KRT84: variants seen among roughly 807,000 people sequenced by gnomAD.
KRT84 encodes the protein keratin 84.
Under a neutral mutation model 49.0 loss-of-function variants are expected in KRT84, and 38 were observed. That is an observed-to-expected ratio of 0.78 (90% CI 0.60 to 1.02). The LOEUF (loss-of-function observed/expected upper bound fraction) is 1.02. Ranked by LOEUF, KRT84 falls within the 50% of genes least tolerant of loss-of-function variation. The pLI, the probability that KRT84 is intolerant of heterozygous loss-of-function variation, is 0.00. For synonymous variants in KRT84, 334 were observed against 312.8 expected, an observed-to-expected ratio of 1.07 and a Z score of -0.72; for missense variants, 860 against 788.6, an observed-to-expected ratio of 1.09 and a Z score of -1.08.
In KRT84 at chr12:52,378,030, G is replaced by T; in HGVS notation, c.*4C>A. On this transcript the variant is annotated 3_prime_UTR_variant, in exon 9 of 9. Coordinates refer to ENST00000257951, the MANE Select transcript of KRT84 (RefSeq NM_033045.4). Reference sequence around the variant, plus strand: ...CTGGGCAGCAGCTGTCTGGGGCTGGGCTCTCAGTACTTGGTCCGGCAGGAG... The same window carrying T: ...CTGGGCAGCAGCTGTCTGGGGCTGGTCTCTCAGTACTTGGTCCGGCAGGAG... 2.1e-6 allele frequency: 3 copies of T among 1,455,772 alleles called. No individual in the cohort carries two copies. The highest frequency in any genetic ancestry group is 2.7e-6 in the Non-Finnish European group (3 of 1,104,676). 90.2% of individuals were successfully genotyped at this position (1,455,772 alleles called of 1,614,324 possible).
chr12:52,385,285 T>G lies in KRT84; in HGVS notation c.301A>C (p.Ser101Arg), dbSNP rs896742984. The G allele has an allele frequency of 6.2e-7, 1 of 1,613,912 alleles. No homozygotes were observed. Among genetic ancestry groups the G allele is most frequent in the African/African-American group, 1.3e-5 (1 of 74,878 alleles). Residue 101 changes from serine to arginine, a missense_variant, in exon 1 of 9, where the codon AGC (serine) becomes CGC (arginine). By Grantham distance (110) the Ser-to-Arg change is moderately radical (BLOSUM62 -1). Coordinates refer to ENST00000257951, the MANE Select transcript of KRT84 (RefSeq NM_033045.4). Reference protein sequence around the residue: ...RGVGLGPRADSCVGLGFGAGS... With the variant: ...RGVGLGPRADRCVGLGFGAGS... ...GCTCCAAAGCCCAGACCAACACAGC[T>G]GTCAGCCCTAGGCCCCAGACCAACA...
intron 1 of KRT84, among the ~76,000 whole-genome samples, chr12:52,384,187 G>A (rs1408732795): frequency 6.6e-6 from 1 of 152,212 alleles, no homozygotes; most frequent in African/African-American, 2.4e-5. Context: ...TACATTTGGG[G>A]TGGGATATGG....
Position 52,383,039 on chromosome 12 carries a change from G to T in KRT84, c.782C>A (p.Ala261Asp). ...KKYEEEVVCR[A>D]NAENEFVALK... ...AGCCACAAACTCATTCTCAGCATTG[G>T]CCCGACATACCACTTCCTCTTCATA... The change falls in exon 3 of 9, where the codon GCC becomes GAC. Residue 261 changes from alanine (A) to aspartate (D), a missense_variant. Transcript: ENST00000257951. 6.2e-7 allele frequency: 1 copy of T among 1,613,818 alleles called. No individual in the cohort carries two copies. The highest frequency in any genetic ancestry group is 1.1e-5 in the South Asian group (1 of 91,066).
chr12:52,383,860 AG>A (rs1221804942), intron 1 of KRT84, 62 bp from the exon 2 acceptor site: 13 of 1,385,244 alleles, frequency 9.4e-6, no homozygotes, highest in South Asian at 8.7e-5. Context: ...GCCTTGACCA[AG>A]CTCTTGAGAT....
intron 8 of KRT84, among the ~76,000 whole-genome samples, chr12:52,379,552 TTCCTTCTAAGTCCCAG>T (rs1046287871): frequency 1.1e-4 from 16 of 152,226 alleles, no homozygotes; most frequent in East Asian, 3.8e-4. Flanking sequence ...AGGCGTCCCA[TTCCTTCTAAGTCCCAG>T]TCCTTCTAAG....
Position 52,378,123 on chromosome 12 carries a change from TG to T in KRT84, c.1713del (p.Thr572ProfsTer73). The T allele has an allele frequency of 6.5e-7, 1 of 1,540,662 alleles. No individual in the cohort carries two copies. The highest frequency in any genetic ancestry group is 1.3e-5 in the South Asian group (1 of 79,312). On this transcript the variant is annotated frameshift_variant, in exon 9 of 9. Coordinates refer to ENST00000257951, the MANE Select transcript of KRT84 (RefSeq NM_033045.4). LOFTEE classifies it high-confidence loss of function. ...CTGCAGCTGCTGAAGCCCCCCTGGG[TG>T]GGCAGGGGGCAGGGGACGCTGGGGA... ...ACVPSVPCPL[P>X]TQGGFSSCSG...
chr12:52,380,402 A>T lies in KRT84; in HGVS notation c.1385T>A (p.Ile462Asn). 1 of 1,614,084 alleles carries T rather than the reference A, an allele frequency of 6.2e-7. No homozygotes were observed. The highest frequency in any genetic ancestry group is 1.1e-5 in the South Asian group (1 of 91,062). ...MNAKLGLDIEIATYRRLLEGE... is the reference protein window; with the variant it reads ...MNAKLGLDIENATYRRLLEGE... ...CTCCAGCAGGCGCCTGTAGGTGGCG[A>T]TCTCGATGTCCAGGCCCAGCTTGGC... The change falls in exon 7 of 9, where the codon ATC (isoleucine) becomes AAC (asparagine). Residue 462 changes from isoleucine to asparagine, a missense_variant. Ile to Asn is a moderately radical substitution (Grantham distance 149). Transcript: ENST00000257951.
In KRT84 at chr12:52,377,896, G is replaced by A. The variant is rs1939412394; in HGVS notation, c.*138C>T. ...GACATGGGGCCAGGCAGAATAATCG[G>A]GGGAGTGCTAAGGGGTGGCTTCCTG... On this transcript the variant is annotated 3_prime_UTR_variant, in exon 9 of 9. Transcript: ENST00000257951. 5.6e-6 allele frequency: 3 copies of A among 532,642 alleles called. No individual in the cohort carries two copies. The highest frequency in any genetic ancestry group is 9.2e-6 in the Non-Finnish European group (3 of 325,376). 33.0% of individuals were successfully genotyped at this position (532,642 alleles called of 1,614,324 possible).
At chr12:52,385,915 C>T (rs2156783), upstream of KRT84, among the ~76,000 whole-genome samples, 48,495 of 151,900 alleles carry the variant, frequency 0.32, 9,699 homozygotes, top group African/African-American at 0.57. Context: ...AAGTCTACCA[C>T]AATTGCCATT....
At position 52,382,492 on chromosome 12, in the gene KRT84, G is replaced by T. The variant is rs765257722; in HGVS notation, c.857C>A (p.Ala286Asp). ...AAFMNKSDLEANVDTLTQEID... is the reference protein window; with the variant it reads ...AAFMNKSDLEDNVDTLTQEID... ...TTCCTGAGTTAGGGTATCCACGTTGGCCTCGAGATCAGACTTGTTCATGAA... is the reference window on the plus strand; with the variant it reads ...TTCCTGAGTTAGGGTATCCACGTTGTCCTCGAGATCAGACTTGTTCATGAA... Residue 286 changes from alanine to aspartate, a missense_variant, in exon 4 of 9, where the codon GCC (alanine) becomes GAC (aspartate). Transcript: ENST00000257951. The T allele has an allele frequency of 3.1e-6, 5 of 1,614,046 alleles. No homozygotes were observed. In the South Asian group the frequency reaches 5.5e-5, roughly 18 times the overall value.
chr12:52,378,503 G>T, intron 8 of KRT84, 123 bp from the exon 9 acceptor site: 1 of 678,050 alleles, frequency 1.5e-6, no homozygotes, highest in Non-Finnish European at 2.3e-6. Flanking sequence ...GGCATCTGGG[G>T]AAGTGGTCCC....
intron 4 of KRT84, among the ~76,000 whole-genome samples, chr12:52,382,164 G>A (rs1939494812): frequency 6.6e-6 from 1 of 152,172 alleles, no homozygotes; most frequent in Non-Finnish European, 1.5e-5. Flanking sequence ...CAGTACACAG[G>A]AAGTGACATT....
rs770507353 is a variant in KRT84, at chr12:52,380,574, A to G, written c.1213T>C (p.Leu405=). Residue 405 remains leucine (L), a synonymous_variant, in exon 7 of 9, where the codon TTG becomes CTG. Coordinates refer to ENST00000257951, the MANE Select transcript of KRT84 (RefSeq NM_033045.4). ...TCGGCCTCGGCCACTGCAGCCTCCA[A>G]CTTGGCACGCTGCAGGGAAGGCAGT... The part of the protein sequence containing the change: ...IEHAKAQRAK[L]EAAVAEAEQQ... The G allele has an allele frequency of 2.5e-6, 4 of 1,611,486 alleles. No homozygotes were observed. The highest frequency in any genetic ancestry group is 3.4e-6 in the Non-Finnish European group (4 of 1,178,726).
chr12:52,381,572 G>A, intron 4 of KRT84, 47 bp from the exon 5 acceptor site: 1 of 1,588,680 alleles, frequency 6.3e-7, no homozygotes, highest in Non-Finnish European at 8.6e-7. Flanking sequence ...GTCTCATTTA[G>A]TAGCTGGGAC....
chr12:52,384,260 T>TGAG (rs4024291), intron 1 of KRT84, among the ~76,000 whole-genome samples: 123,286 of 151,794 alleles, frequency 0.81, 50,542 homozygotes, highest in African/African-American at 0.93. Context: ...TTCCATTGGC[T>TGAG]ATGTGTAGAG....
At position 52,382,544 on chromosome 12, in the gene KRT84, A is replaced by G. The variant is rs1179094332; in HGVS notation, c.817-12T>C. On this transcript the variant is annotated splice_polypyrimidine_tract_variant and intron_variant, in intron 3 of 8. Transcript: ENST00000257951. ...GCTGCATCCACATCCTGTATAAAACAGAGAAGGATAAATACTCATCGCCTG... is the reference window on the plus strand; with the variant it reads ...GCTGCATCCACATCCTGTATAAAACGGAGAAGGATAAATACTCATCGCCTG... 6.2e-7 allele frequency: 1 copy of G among 1,604,592 alleles called. No individual in the cohort carries two copies. The highest frequency in any genetic ancestry group is 8.5e-7 in the Non-Finnish European group (1 of 1,171,378).
rs1002704386 is a variant in KRT84, at chr12:52,377,879, G to T, written c.*155C>A. ...GAAAAATCCTCCAAGAGGACATGGG[G>T]CCAGGCAGAATAATCGGGGGAGTGC... On this transcript the variant is annotated 3_prime_UTR_variant, in exon 9 of 9. Transcript: ENST00000257951. The T allele has an allele frequency of 6.1e-6, 3 of 488,350 alleles. No individual in the cohort carries two copies. Among genetic ancestry groups the T allele is most frequent in the Non-Finnish European group, 6.9e-6 (2 of 291,602 alleles). 30.3% of individuals were successfully genotyped at this position (488,350 alleles called of 1,614,324 possible).
chr12:52,378,507 T>G (rs933413212), intron 8 of KRT84, 127 bp from the exon 9 acceptor site: 5 of 637,672 alleles, frequency 7.8e-6, no homozygotes, highest in Non-Finnish European at 1.0e-5. Context: ...TCTGGGGAAG[T>G]GGTCCCTATT....
intron 4 of KRT84, 112 bp from the exon 5 acceptor site, chr12:52,381,637 G>T: frequency 1.9e-6 from 2 of 1,065,202 alleles, no homozygotes; most frequent in African/African-American, 1.6e-5. Context: ...TCACTCATTG[G>T]TTCATAAAAA....
Sources: allele counts gnomAD v4.1 joint callset (sites outside exome capture counted in the v4.1 genomes callset), GRCh38; gene constraint gnomAD v4.1.1; transcripts MANE v1.5; gene names NCBI Gene and HGNC (gene_info 2026-07-23, HGNC 2026-07-21).